RASEF: variants seen among roughly 807,000 people sequenced by gnomAD.
The protein encoded by RASEF is ras and EF-hand domain-containing protein.
Under a neutral mutation model 90.1 loss-of-function variants are expected in RASEF, and 68 were observed. That is an observed-to-expected ratio of 0.75 (90% CI 0.62 to 0.92). RASEF has a LOEUF of 0.92. Ranked by LOEUF, RASEF falls within the 40% of genes least tolerant of loss-of-function variation. The probability of loss-of-function intolerance (pLI) is 0.00; values close to 1 mark genes in which losing one functional copy is unlikely to be tolerated. For missense variants in RASEF, 949 were observed against 937.2 expected (o/e 1.01, Z -0.16); for synonymous variants, 331 against 345.2 (o/e 0.96, Z 0.46).
chr9:83,174,829 T>C, the RASEF span, among the ~76,000 whole-genome samples: 1 of 152,298 alleles, frequency 6.6e-6, no homozygotes, highest in Middle Eastern at 3.4e-3. Context: ...CAGTCTACTT[T>C]GCATTTATTT....
At chr9:83,095,071 G>T in the RASEF span, among the ~76,000 whole-genome samples, 1 of 152,162 alleles carries the variant, frequency 6.6e-6, no homozygotes, top group Non-Finnish European at 1.5e-5. Flanking sequence ...CTTATGGTTT[G>T]AGAATTTAAA....
the RASEF span, among the ~76,000 whole-genome samples, chr9:83,135,919 C>T: frequency 5.9e-5 from 9 of 152,154 alleles, no homozygotes; most frequent in African/African-American, 2.2e-4. Flanking sequence ...TATATCAATG[C>T]TGTTAGTGAA....
At chr9:83,072,194 C>T in the RASEF span, among the ~76,000 whole-genome samples, 1 of 152,148 alleles carries the variant, frequency 6.6e-6, no homozygotes, top group South Asian at 2.1e-4. Context: ...CCTGACCTTC[C>T]ATACAGAGAT....
the RASEF span, among the ~76,000 whole-genome samples, chr9:83,163,801 A>G: frequency 6.6e-6 from 1 of 152,134 alleles, no homozygotes; most frequent in African/African-American, 2.4e-5. Flanking sequence ...TAGAAGAAAT[A>G]TTTTAAACAA....
At chr9:83,041,330 A>G (rs762041597) in intron 1 of RASEF, among the ~76,000 whole-genome samples, 3 of 152,210 alleles carry the variant, frequency 2.0e-5, no homozygotes, top group Non-Finnish European at 4.4e-5. Flanking sequence ...GAGTTTTATA[A>G]TCTACTTTTA....
intron 1 of RASEF, among the ~76,000 whole-genome samples, chr9:83,043,423 A>G (rs1829875752): frequency 6.6e-6 from 1 of 152,044 alleles, no homozygotes; most frequent in African/African-American, 2.4e-5. Context: ...GGGCTTCTGC[A>G]ATGTAGTAAA....
At chr9:83,103,636 A>C in the RASEF span, among the ~76,000 whole-genome samples, 1 of 152,196 alleles carries the variant, frequency 6.6e-6, no homozygotes, top group East Asian at 1.9e-4. Context: ...TGAAAGACAC[A>C]GAAAAAAAGA....
intron 16 of RASEF, among the ~76,000 whole-genome samples, chr9:82,983,960 C>T (rs531024210): frequency 2.4e-4 from 36 of 152,248 alleles, no homozygotes; most frequent in Non-Finnish European, 4.3e-4. Context: ...AGAAACTTTC[C>T]GGCTGACATC....
At chr9:83,107,655 G>A in the RASEF span, among the ~76,000 whole-genome samples, 3 of 152,044 alleles carry the variant, frequency 2.0e-5, no homozygotes, top group African/African-American at 7.2e-5. Context: ...ATATACTTTA[G>A]GCAGTCCTGG....
chr9:83,100,180 T>C, the RASEF span, among the ~76,000 whole-genome samples: 2 of 152,192 alleles, frequency 1.3e-5, no homozygotes, highest in Admixed American at 6.5e-5. Context: ...TATATCTAAA[T>C]ACATTATCTA....
chr9:83,000,332 A>C lies in RASEF; in HGVS notation c.1576-16T>G. ...CCAGGTCTGTCTGGGGGGAAAAGCC[A>C]CAGTGAATGATAACGGTATTGCCAG... On this transcript the variant is annotated splice_polypyrimidine_tract_variant and intron_variant, in intron 11 of 16. Coordinates refer to ENST00000376447, the MANE Select transcript of RASEF (RefSeq NM_152573.4). The C allele has an allele frequency of 6.2e-7, 1 of 1,612,404 alleles. No homozygotes were observed. The highest frequency in any genetic ancestry group is 8.5e-7 in the Non-Finnish European group (1 of 1,179,256).
At position 83,058,141 on chromosome 9, in the gene RASEF, G is replaced by T. The variant is rs890693584; in HGVS notation, c.431+4296C>A. Among the ~76,000 whole-genome samples, 4 of 136,506 alleles carry T rather than the reference G, an allele frequency of 2.9e-5. No individual in the cohort carries two copies. The Admixed American group carries it at 3.0e-4, about 10-fold the overall frequency. The allele number at this position is 136,506 out of a possible 152,430, so 89.6% of individuals were successfully genotyped here. A position where few individuals can be genotyped will look rare whatever the true frequency, so the allele number is the denominator to read the frequency against. On this transcript the variant is annotated intron_variant, in intron 1 of 16. Coordinates refer to ENST00000376447, the MANE Select transcript of RASEF (RefSeq NM_152573.4). ...CACTCTATCTCTGGCCTTCTCTCTT[G>T]CTCTCCGGCTCACTCCTGATGTATT...
At chr9:83,145,072 T>C in the RASEF span, among the ~76,000 whole-genome samples, 1 of 152,186 alleles carries the variant, frequency 6.6e-6, no homozygotes, top group Non-Finnish European at 1.5e-5. Flanking sequence ...ACAAACAATT[T>C]TGAAGCTACC....
At chr9:83,073,647 A>T in the RASEF span, among the ~76,000 whole-genome samples, 3 of 152,216 alleles carry the variant, frequency 2.0e-5, no homozygotes, top group African/African-American at 7.2e-5. Flanking sequence ...TCAATACCAT[A>T]TTTGCTGTAG....
Position 83,062,789 on chromosome 9 carries a change from G to A in RASEF, c.79C>T (p.Arg27Cys), listed in dbSNP as rs1426751085. The change falls in exon 1 of 17, where the codon CGC (arginine) becomes TGC (cysteine). Residue 27 changes from arginine (R) to cysteine (C), a missense_variant. Physicochemically the swap from Arg to Cys is radical, Grantham distance 180. Around this residue, in one of 3 missense-constraint regions of RASEF, gnomAD observed 656 missense variants for 592.2 expected, o/e 1.11. Transcript: ENST00000376447. ...GCCCGGAACTCCTCGCGCTCCAGGC[G>A]CCCCGAGCGGTTCGCGTCGCAGGCG... ...FAACDANRSG[R>C]LEREEFRALC... 2 of 1,555,778 alleles carry A rather than the reference G, an allele frequency of 1.3e-6. No homozygotes were observed. The highest frequency in any genetic ancestry group is 2.4e-5 in the South Asian group (2 of 85,090).
upstream of RASEF, among the ~76,000 whole-genome samples, chr9:83,067,683 C>T (rs1830293227): frequency 6.6e-6 from 1 of 151,986 alleles, no homozygotes; most frequent in Non-Finnish European, 1.5e-5. Flanking sequence ...TATCAAATAC[C>T]ATTACATGTC....
At chr9:83,010,705 C>T (rs1487448016) in intron 5 of RASEF, among the ~76,000 whole-genome samples, 3 of 152,112 alleles carry the variant, frequency 2.0e-5, no homozygotes, top group Non-Finnish European at 2.9e-5. Flanking sequence ...AACTAAGTGG[C>T]TCCTGTAAAA....
At chr9:83,164,558 T>G in the RASEF span, among the ~76,000 whole-genome samples, 21 of 147,154 alleles carry the variant, frequency 1.4e-4, no homozygotes, top group East Asian at 3.8e-3. Flanking sequence ...GTTAAAGAAA[T>G]GAAGCATAAT....
chr9:83,123,262 C>T, the RASEF span, among the ~76,000 whole-genome samples: 1 of 141,830 alleles, frequency 7.1e-6, no homozygotes, highest in Non-Finnish European at 1.5e-5. Flanking sequence ...AAAAAAGCAG[C>T]CAAGAGACCA....
Sources: gnomAD v4.1 joint callset for allele counts (sites outside exome capture counted in the v4.1 genomes callset) on GRCh38, gnomAD v4.1.1 for gene constraint, gnomAD v4.1.1 regional missense constraint, MANE v1.5 for transcripts, NCBI Gene and HGNC (gene_info 2026-07-23, HGNC 2026-07-21) for gene names.